KSR1: variants seen among roughly 807,000 people sequenced by gnomAD.
The protein encoded by KSR1 is kinase suppressor of ras.
In KSR1, 35 loss-of-function variants were observed where a neutral mutation model predicts 92.9. That is an observed-to-expected ratio of 0.38 (90% CI 0.29 to 0.50). The LOEUF is 0.50. KSR1 is among the 20% of genes least tolerant of loss of function. The probability of loss-of-function intolerance (pLI) is 0.94; values close to 1 mark genes in which losing one functional copy is unlikely to be tolerated. For missense variants in KSR1, 972 were observed against 1,158.5 expected (o/e 0.84, Z 2.34); for synonymous variants, 467 against 472.6 (o/e 0.99, Z 0.15).
chr17:27,502,828 C>T (rs2069239761), intron 1 of KSR1, among the ~76,000 whole-genome samples: 1 of 152,232 alleles, frequency 6.6e-6, no homozygotes, highest in South Asian at 2.1e-4. Flanking sequence ...GACCTTGGGC[C>T]AAGCGAGTGG....
intron 19 of KSR1, among the ~76,000 whole-genome samples, chr17:27,617,896 AAGTGATACG>A (rs2074109097): frequency 6.6e-6 from 1 of 152,138 alleles, no homozygotes; most frequent in East Asian, 1.9e-4. Context: ...CCCCTTGCCC[AAGTGATACG>A]AGGATTTCGT....
chr17:27,537,959 G>A (rs968457563), intron 1 of KSR1, among the ~76,000 whole-genome samples: 1 of 152,164 alleles, frequency 6.6e-6, no homozygotes, highest in African/African-American at 2.4e-5. Flanking sequence ...CTCCTAGATA[G>A]GAAATAAAAA....
In KSR1 at chr17:27,473,615, T is replaced by C. The variant is rs146911993; in HGVS notation, c.231+16741T>C. On this transcript the variant is annotated intron_variant, in intron 1 of 20. Transcript: ENST00000644974. Reference sequence around the variant, plus strand: ...ATTTTGCCTCTGCTTGGAAGGGTTCTAGCTACAAAGGCAACATAGCAGGTA... The same window carrying C: ...ATTTTGCCTCTGCTTGGAAGGGTTCCAGCTACAAAGGCAACATAGCAGGTA... 2.0e-3 allele frequency among the ~76,000 whole-genome samples: 300 copies of C among 152,274 alleles called. 4 individuals are homozygous for C. Among genetic ancestry groups the C allele is most frequent in the Non-Finnish European group, 5.3e-4 (36 of 68,022 alleles).
intron 2 of KSR1, among the ~76,000 whole-genome samples, chr17:27,564,564 G>A (rs768729333): frequency 1.3e-5 from 2 of 152,212 alleles, no homozygotes; most frequent in Non-Finnish European, 2.9e-5. Context: ...TGGCAGGTAT[G>A]AAGAGCACAG....
At position 27,582,896 on chromosome 17, in the gene KSR1, C is replaced by T. The variant is rs553599793; in HGVS notation, c.771C>T (p.Ser257=). 17 of 1,612,608 alleles carry T rather than the reference C, an allele frequency of 1.1e-5. 1 individual carries two copies. The Admixed American group carries it at 1.2e-4, about 11-fold the overall frequency. ...LSDTCIPLHA[S]GRLTPRALHS... ...ACACCTGTATTCCCCTGCACGCCAG[C>T]GGCCGGCTGACCCCCCGTGCCCTGC... Residue 257 remains serine, a synonymous_variant, in exon 4 of 21, where the codon AGC becomes AGT. Coordinates refer to ENST00000644974, the MANE Select transcript of KSR1 (RefSeq NM_001394583.1).
chr17:27,540,001 C>T lies in KSR1; in HGVS notation c.232-10567C>T, dbSNP rs187746332. Among the ~76,000 whole-genome samples the T allele has an allele frequency of 3.3e-5, 5 of 152,358 alleles. No individual in the cohort carries two copies. The East Asian group carries it at 5.8e-4, about 18-fold the overall frequency. On this transcript the variant is annotated intron_variant, in intron 1 of 20. Transcript: ENST00000644974. ...CCTAGCAGTTGTTGCTGAGAAAACT[C>T]GGGCCCTTGGCCATTCACTCTGGCC...
At chr17:27,535,040 G>A (rs1489473005) in intron 1 of KSR1, among the ~76,000 whole-genome samples, 1 of 152,204 alleles carries the variant, frequency 6.6e-6, no homozygotes, top group Non-Finnish European at 1.5e-5. Context: ...TCCCTGAGAG[G>A]CATCTGAGAA....
At chr17:27,602,053 A>C (rs1201776259) in intron 11 of KSR1, 1 of 805,674 alleles carries the variant, frequency 1.2e-6, no homozygotes, top group African/African-American at 1.7e-5. Context: ...GCTTGAGATC[A>C]GTGCTTTTTA....
intron 1 of KSR1, among the ~76,000 whole-genome samples, chr17:27,504,549 C>T (rs551028138): frequency 8.5e-5 from 13 of 152,110 alleles, no homozygotes; most frequent in African/African-American, 2.2e-4. Context: ...TGGGTACAGA[C>T]GGGGATGGGG....
intron 1 of KSR1, among the ~76,000 whole-genome samples, chr17:27,522,899 G>A (rs527271802): frequency 6.6e-6 from 1 of 152,176 alleles, no homozygotes; most frequent in African/African-American, 2.4e-5. Context: ...GGGGATTCCT[G>A]TGTTTCTGCT....
chr17:27,510,929 T>C (rs2069576313), intron 1 of KSR1, among the ~76,000 whole-genome samples: 1 of 152,212 alleles, frequency 6.6e-6, no homozygotes, highest in African/African-American at 2.4e-5. Context: ...CCATGTAGCA[T>C]GTTCCCCATT....
chr17:27,557,195 CCT>C (rs1198645025), intron 2 of KSR1, among the ~76,000 whole-genome samples: 3 of 152,206 alleles, frequency 2.0e-5, no homozygotes, highest in Non-Finnish European at 4.4e-5. Flanking sequence ...GAGCTAGACC[CCT>C]CTCTGCCTGA....
At chr17:27,496,673 G>A (rs2068997928) in intron 1 of KSR1, among the ~76,000 whole-genome samples, 1 of 152,184 alleles carries the variant, frequency 6.6e-6, no homozygotes, top group South Asian at 2.1e-4. Flanking sequence ...GGGATCCTGG[G>A]GGATCTCAGG....
At chr17:27,502,395 C>A (rs1342886969) in intron 1 of KSR1, among the ~76,000 whole-genome samples, 3 of 152,228 alleles carry the variant, frequency 2.0e-5, no homozygotes, top group Non-Finnish European at 4.4e-5. Flanking sequence ...TATCCCCTCC[C>A]TGATTCCGAG....
chr17:27,473,917 T>C (rs1286610835), intron 1 of KSR1, among the ~76,000 whole-genome samples: 1 of 152,074 alleles, frequency 6.6e-6, no homozygotes, highest in East Asian at 1.9e-4. Context: ...GCTGCATCTT[T>C]GACAATTTTG....
intron 11 of KSR1, among the ~76,000 whole-genome samples, 179 bp from the exon 12 acceptor site, chr17:27,603,655 C>T (rs2073644960): frequency 2.0e-5 from 3 of 152,164 alleles, no homozygotes; most frequent in South Asian, 4.1e-4. Context: ...GTGGAGGCTG[C>T]GTCCTTGCAA....
At chr17:27,537,462 C>T (rs1458588867) in intron 1 of KSR1, among the ~76,000 whole-genome samples, 2 of 152,110 alleles carry the variant, frequency 1.3e-5, no homozygotes, top group Non-Finnish European at 2.9e-5. Flanking sequence ...GAGGCCGAGG[C>T]GGCAGATCGC....
In KSR1 at chr17:27,456,953, G is replaced by GT. The variant is rs950507456; in HGVS notation, c.231+81dup. 2.8e-5 allele frequency: 20 copies of GT among 721,400 alleles called. No individual in the cohort carries two copies. The African/African-American group carries it at 3.0e-4, about 11-fold the overall frequency. The allele number at this position is 721,400 out of a possible 1,614,324, so 44.7% of individuals were successfully genotyped here. ...TCCGGGCCCCAGTACTCCTGGCCGA[G>GT]TTGCATCCTTGAGCCCGCGTCGCCC... is the stretch of plus-strand genomic sequence containing the variant. On this transcript the variant is annotated intron_variant, in intron 1 of 20. Coordinates refer to ENST00000644974, the MANE Select transcript of KSR1 (RefSeq NM_001394583.1).
intron 1 of KSR1, among the ~76,000 whole-genome samples, chr17:27,484,809 C>G (rs1236716710): frequency 6.6e-6 from 1 of 152,198 alleles, no homozygotes; most frequent in Non-Finnish European, 1.5e-5. Flanking sequence ...GGAGGATGCT[C>G]CAGGCAGGGG....
Sources: gnomAD v4.1 joint callset for allele counts (sites outside exome capture counted in the v4.1 genomes callset) on GRCh38, gnomAD v4.1.1 for gene constraint, MANE v1.5 for transcripts, NCBI Gene and HGNC (gene_info 2026-07-23, HGNC 2026-07-21) for gene names.